The following AGAP1 variants were observed in gnomAD, a reference collection of about 807,000 sequenced individuals.
AGAP1 encodes the protein arf-GAP with GTPase, ANK repeat and PH domain-containing protein 1.
In AGAP1, 29 loss-of-function variants were observed where a neutral mutation model predicts 105.3. The observed-to-expected ratio is 0.28, with a 90% CI of 0.21 to 0.38. The LOEUF (loss-of-function observed/expected upper bound fraction) is 0.38, where lower values mean the gene tolerates loss of function less well. Ranked by LOEUF, AGAP1 falls within the 10% of genes least tolerant of loss-of-function variation. The probability of loss-of-function intolerance (pLI) is 1.00; values close to 1 mark genes in which losing one functional copy is unlikely to be tolerated. For missense variants in AGAP1, 998 were observed against 1,165.1 expected (o/e 0.86, Z 2.09); for synonymous variants, 509 against 485.9 (o/e 1.05, Z -0.63).
rs1440518512 is a variant in AGAP1 at position 236,040,618 on chromosome 2, A to G, written c.1801-133A>G. 1.5e-6 allele frequency: 1 copy of G among 646,536 alleles called. No individual in the cohort carries two copies. Among genetic ancestry groups the G allele is most frequent in the Non-Finnish European group, 2.6e-6 (1 of 391,528 alleles). 40.0% of individuals were successfully genotyped at this position (646,536 alleles called of 1,614,324 possible). ...GCTCTTTCCCAAAGACATCAAAACA[A>G]GAGTGATTGTTTAGAAATTACCCTC... On this transcript the variant is annotated intron_variant, in intron 14 of 17. Coordinates refer to ENST00000304032, the MANE Select transcript of AGAP1 (RefSeq NM_001037131.3). This position sits in a 1 kb window ranked among gnomAD's most constrained non-coding sequence, Gnocchi z 5.6.
rs78668481 is a variant in AGAP1 at position 236,038,910 on chromosome 2, G to T, written c.1801-1841G>T. Among the ~76,000 whole-genome samples, 385 of 152,046 alleles carry T rather than the reference G, an allele frequency of 2.5e-3. 4 individuals are homozygous for T. Among genetic ancestry groups the T allele is most frequent in the South Asian group, 0.02 (97 of 4,800 alleles). ...GTTTAAACATATTTTGAATACTTGGGTATCTAACCAAAGGGAATTAAAATT... is the reference window on the plus strand; with the variant it reads ...GTTTAAACATATTTTGAATACTTGGTTATCTAACCAAAGGGAATTAAAATT... On this transcript the variant is annotated intron_variant, in intron 14 of 17. Transcript: ENST00000304032. This position sits in a 1 kb window ranked among gnomAD's most constrained non-coding sequence, Gnocchi z 4.5.
At chr2:235,570,977 G>A (rs1000323741) in intron 1 of AGAP1, among the ~76,000 whole-genome samples, 10 of 152,218 alleles carry the variant, frequency 6.6e-5, no homozygotes, top group African/African-American at 2.2e-4. Flanking sequence ...TACAGGAAGC[G>A]TGGCACCATT....
At chr2:235,558,880 C>T (rs983365091) in intron 1 of AGAP1, among the ~76,000 whole-genome samples, 21 of 151,900 alleles carry the variant, frequency 1.4e-4, no homozygotes, top group South Asian at 1.0e-3. Flanking sequence ...TAGCCTCAGA[C>T]ATGTCTGTTC....
chr2:235,644,284 G>C (rs1008145175), intron 1 of AGAP1, among the ~76,000 whole-genome samples: 1 of 152,186 alleles, frequency 6.6e-6, no homozygotes, highest in African/African-American at 2.4e-5. Context: ...GTGAGAGTGG[G>C]AAGAACGGAG....
intron 8 of AGAP1, 106 bp from the exon 9 acceptor site, chr2:235,807,133 G>GC: frequency 9.0e-7 from 1 of 1,105,484 alleles, no homozygotes; most frequent in Non-Finnish European, 1.3e-6. Flanking sequence ...CATAGATCGC[G>GC]CATGTTTTCT....
intron 6 of AGAP1, among the ~76,000 whole-genome samples, chr2:235,765,359 G>A (rs1390203655): frequency 6.6e-6 from 1 of 152,012 alleles, no homozygotes; most frequent in Non-Finnish European, 1.5e-5. Flanking sequence ...CGTGGCAGCT[G>A]CTTTGCTTTC....
chr2:235,550,372 C>A lies in AGAP1; in HGVS notation c.163+55523C>A, dbSNP rs2149113572. 6.6e-6 allele frequency among the ~76,000 whole-genome samples: 1 copy of A among 152,342 alleles called. No homozygotes were observed. The highest frequency in any genetic ancestry group is 2.4e-5 in the African/African-American group (1 of 41,576). On this transcript the variant is annotated intron_variant, in intron 1 of 17. Transcript: ENST00000304032. The surrounding 1 kb of genome is among the most constrained non-coding windows in gnomAD (Gnocchi z 4.6). ...TTTTGAGCTCTTCATAAAATCACTG[C>A]CAGTGACTTCTCATAGCTGTTCGTC...
chr2:236,017,307 AATACAT>A, intron 13 of AGAP1, among the ~76,000 whole-genome samples: 1 of 151,866 alleles, frequency 6.6e-6, no homozygotes, highest in African/African-American at 2.4e-5. Context: ...AAAAAAAAAA[AATACAT>A]TACAGAATTT....
intron 1 of AGAP1, among the ~76,000 whole-genome samples, chr2:235,649,517 G>A (rs555692902): frequency 3.3e-5 from 5 of 152,112 alleles, no homozygotes; most frequent in African/African-American, 4.8e-5. Flanking sequence ...GAGACTACAG[G>A]TGCGCATCTC....
chr2:235,648,933 G>A (rs929571891), intron 1 of AGAP1, among the ~76,000 whole-genome samples: 1 of 151,048 alleles, frequency 6.6e-6, no homozygotes, highest in African/African-American at 2.4e-5. Context: ...GCAGGACTTC[G>A]GAAGCAGGGA....
rs1354871383 is a variant in AGAP1, at chr2:235,709,164, C to A, written c.164-15C>A. The A allele has an allele frequency of 6.2e-7, 1 of 1,613,910 alleles. No individual in the cohort carries two copies. The highest frequency in any genetic ancestry group is 2.2e-5 in the East Asian group (1 of 44,864). ...TGAGTTATGGTGTCTGACTTTGTGTCCTCCTCTTTTTCAGATGCCTTCGTG... is the reference window on the plus strand; with the variant it reads ...TGAGTTATGGTGTCTGACTTTGTGTACTCCTCTTTTTCAGATGCCTTCGTG... On this transcript the variant is annotated splice_polypyrimidine_tract_variant and intron_variant, in intron 1 of 17. Coordinates refer to ENST00000304032, the MANE Select transcript of AGAP1 (RefSeq NM_001037131.3).
intron 1 of AGAP1, among the ~76,000 whole-genome samples, chr2:235,594,173 A>AG (rs998214137): frequency 3.0e-4 from 46 of 152,188 alleles, no homozygotes; most frequent in Non-Finnish European, 6.2e-4. Flanking sequence ...AAATAGACTT[A>AG]GTACTTCAGC....
Position 235,769,083 on chromosome 2 carries a change from C to A in AGAP1, c.673+18595C>A, listed in dbSNP as rs895665385. On this transcript the variant is annotated intron_variant, in intron 6 of 17. Coordinates refer to ENST00000304032, the MANE Select transcript of AGAP1 (RefSeq NM_001037131.3). The surrounding 1 kb of genome is among the most constrained non-coding windows in gnomAD (Gnocchi z 4.4). ...ATTCAACTGGATTAGAAATTGCCAG[C>A]CTTGGATCCTTTTCTCAGATATTTT... Among the ~76,000 whole-genome samples the A allele has an allele frequency of 6.6e-6, 1 of 152,148 alleles. No individual in the cohort carries two copies. Among genetic ancestry groups the A allele is most frequent in the African/African-American group, 2.4e-5 (1 of 41,422 alleles).
chr2:236,058,433 A>G lies in AGAP1; in HGVS notation c.2114+9152A>G, dbSNP rs191372443. On this transcript the variant is annotated intron_variant, in intron 16 of 17. Transcript: ENST00000304032. This position sits in a 1 kb window ranked among gnomAD's most constrained non-coding sequence, Gnocchi z 4.6. ...AGGTTGGTTCGACACGCAAAAATCAATCAATGTGATATACCACATTAATAC... is the reference window on the plus strand; with the variant it reads ...AGGTTGGTTCGACACGCAAAAATCAGTCAATGTGATATACCACATTAATAC... 1.3e-5 allele frequency among the ~76,000 whole-genome samples: 2 copies of G among 152,372 alleles called. No individual in the cohort carries two copies. Among genetic ancestry groups the G allele is most frequent in the Non-Finnish European group, 2.9e-5 (2 of 68,040 alleles).
At position 235,521,463 on chromosome 2, in the gene AGAP1, T is replaced by C. The variant is rs531664659; in HGVS notation, c.163+26614T>C. On this transcript the variant is annotated intron_variant, in intron 1 of 17. Transcript: ENST00000304032. Reference sequence around the variant, plus strand: ...TTCACCTTGTCGTCTTCTCTTCACCTATAACTATTTTTTAATAAGTATTGT... The same window carrying C: ...TTCACCTTGTCGTCTTCTCTTCACCCATAACTATTTTTTAATAAGTATTGT... 4.6e-5 allele frequency among the ~76,000 whole-genome samples: 7 copies of C among 152,354 alleles called. No individual in the cohort carries two copies. The South Asian group carries it at 1.0e-3, about 23-fold the overall frequency.
Position 236,040,803 on chromosome 2 carries a change from T to C in AGAP1, c.1853T>C (p.Met618Thr), listed in dbSNP as rs1162848771. Residue 618 changes from methionine (M) to threonine (T), a missense_variant, in exon 15 of 18, where the codon ATG (methionine) becomes ACG (threonine). Transcript: ENST00000304032. This position sits in a 1 kb window ranked among gnomAD's most constrained non-coding sequence, Gnocchi z 5.6. ...EAMALQSIRN[M>T]RGNSHCVDCE... The stretch of plus-strand genomic sequence containing the variant: ...ATGGCCCTGCAGTCGATCCGGAACA[T>C]GCGCGGGAACTCCCACTGTGTGGAC... 6.2e-7 allele frequency: 1 copy of C among 1,613,870 alleles called. No individual in the cohort carries two copies. The highest frequency in any genetic ancestry group is 8.5e-7 in the Non-Finnish European group (1 of 1,180,022).
intron 12 of AGAP1, among the ~76,000 whole-genome samples, chr2:235,938,331 G>C (rs2053089157): frequency 6.6e-6 from 1 of 152,240 alleles, no homozygotes; most frequent in African/African-American, 2.4e-5. Context: ...CAAACAGCCT[G>C]TGTCATAATT....
rs558360652 is a variant in AGAP1, at chr2:235,752,644, A to C, written c.673+2156A>C. 6.6e-6 allele frequency among the ~76,000 whole-genome samples: 1 copy of C among 152,202 alleles called. No homozygotes were observed. Among genetic ancestry groups the C allele is most frequent in the Non-Finnish European group, 1.5e-5 (1 of 68,036 alleles). On this transcript the variant is annotated intron_variant, in intron 6 of 17. Coordinates refer to ENST00000304032, the MANE Select transcript of AGAP1 (RefSeq NM_001037131.3). The surrounding 1 kb of genome is among the most constrained non-coding windows in gnomAD (Gnocchi z 4.3). ...CAGAGAGCTTGCCGGTCCCCGATGC[A>C]GGATATCAGGGACTCAGTTGTCTGG...
rs13414159 is a variant in AGAP1 at position 235,974,122 on chromosome 2, C to G, written c.1645+5499C>G. On this transcript the variant is annotated intron_variant, in intron 13 of 17. Transcript: ENST00000304032. ...AAGTTTGCATTAAGTGCTAATTTCC[C>G]TGTTTCCCCAGTGAAAAGGCTGAAG... is the stretch of plus-strand genomic sequence containing the variant. 6.1e-3 allele frequency among the ~76,000 whole-genome samples: 927 copies of G among 152,314 alleles called. 10 individuals carry two copies. Among genetic ancestry groups the G allele is most frequent in the African/African-American group, 0.021 (878 of 41,580 alleles).
Sources: allele counts gnomAD v4.1 joint callset (sites outside exome capture counted in the v4.1 genomes callset), GRCh38; gene constraint gnomAD v4.1.1; non-coding constraint Gnocchi (gnomAD v3.1); transcripts MANE v1.5; gene names NCBI Gene and HGNC (gene_info 2026-07-23, HGNC 2026-07-21).